The following ENPP6 variants were observed in gnomAD, a reference collection of about 807,000 sequenced individuals.
ENPP6 encodes the protein ectonucleotide pyrophosphatase/phosphodiesterase 6.
A neutral mutation model predicts 42.0 loss-of-function variants in ENPP6; 32 were observed. The ratio of observed to expected loss-of-function variants is 0.76; its 90% CI spans 0.58 to 1.02. The LOEUF (loss-of-function observed/expected upper bound fraction) is 1.02, where lower values mean the gene tolerates loss of function less well. Among genes scored for constraint, ENPP6 ranks in the 50% least tolerant of loss-of-function variants. The pLI is 0.00. For synonymous variants in ENPP6, 213 were observed against 216.0 expected, an observed-to-expected ratio of 0.99 and a Z score of 0.12; for missense variants, 552 against 566.8, an observed-to-expected ratio of 0.97 and a Z score of 0.27.
At chr4:184,128,735 C>G (rs907298791) in intron 2 of ENPP6, among the ~76,000 whole-genome samples, 1 of 152,072 alleles carries the variant, frequency 6.6e-6, no homozygotes, top group Non-Finnish European at 1.5e-5. Flanking sequence ...TATCAATAGG[C>G]TGGATTCAAT....
At chr4:184,201,430 G>T (rs1254545514) in intron 1 of ENPP6, among the ~76,000 whole-genome samples, 3 of 152,180 alleles carry the variant, frequency 2.0e-5, no homozygotes, top group Non-Finnish European at 4.4e-5. Context: ...GGTGTTGTGA[G>T]ATCGCCATGG....
At chr4:184,129,761 C>T (rs907949929) in intron 2 of ENPP6, among the ~76,000 whole-genome samples, 7 of 152,172 alleles carry the variant, frequency 4.6e-5, no homozygotes, top group African/African-American at 1.4e-4. Context: ...AATAATTATG[C>T]CATTTTATTT....
At chr4:184,217,538 C>A (rs766657237) in intron 1 of ENPP6, 41 bp downstream of exon 1, 1 of 1,608,014 alleles carries the variant, frequency 6.2e-7, no homozygotes, top group African/African-American at 1.3e-5. Flanking sequence ...TGCTGGATGC[C>A]AGCCCTCCCC....
intron 1 of ENPP6, among the ~76,000 whole-genome samples, chr4:184,208,912 A>C (rs1317415545): frequency 6.9e-6 from 1 of 144,008 alleles, no homozygotes; most frequent in African/African-American, 2.6e-5. Context: ...CTGCCTCCTC[A>C]AGTGGGTCCC....
At chr4:184,094,648 AT>A (rs1296207737) in intron 7 of ENPP6, among the ~76,000 whole-genome samples, 1 of 152,212 alleles carries the variant, frequency 6.6e-6, no homozygotes, top group Admixed American at 6.5e-5. Flanking sequence ...GCGTGTTTAC[AT>A]TTTTTTGGAT....
chr4:184,109,244 A>C (rs7435507), intron 6 of ENPP6, among the ~76,000 whole-genome samples: 53,787 of 119,026 alleles, frequency 0.45, 10,205 homozygotes, highest in Non-Finnish European at 0.49. Flanking sequence ...AAAAAAAAAC[A>C]AAACAAACAA....
At chr4:184,172,616 C>T (rs1042551991) in intron 1 of ENPP6, among the ~76,000 whole-genome samples, 3 of 152,096 alleles carry the variant, frequency 2.0e-5, no homozygotes, top group Non-Finnish European at 4.4e-5. Context: ...GCGCAGTGAA[C>T]GGTGGCTGGG....
chr4:184,217,403 G>T (rs1049455705), intron 1 of ENPP6, among the ~76,000 whole-genome samples, 176 bp downstream of exon 1: 1 of 152,042 alleles, frequency 6.6e-6, no homozygotes, highest in Admixed American at 6.5e-5. Context: ...AAACAATACC[G>T]CCACGAAAAC....
intron 2 of ENPP6, among the ~76,000 whole-genome samples, chr4:184,144,087 C>T (rs1736877281): frequency 6.6e-6 from 1 of 152,234 alleles, no homozygotes; most frequent in Admixed American, 6.5e-5. Context: ...CACCTTTCTG[C>T]TCTAGGAGGG....
At chr4:184,120,137 T>G (rs1736392939) in intron 3 of ENPP6, among the ~76,000 whole-genome samples, 1 of 152,124 alleles carries the variant, frequency 6.6e-6, no homozygotes, top group Non-Finnish European at 1.5e-5. Flanking sequence ...TAGATCGCTT[T>G]TCCTGAGTAT....
chr4:184,148,198 G>A (rs369012749), intron 2 of ENPP6, among the ~76,000 whole-genome samples: 6 of 152,142 alleles, frequency 3.9e-5, no homozygotes, highest in South Asian at 2.1e-4. Context: ...GTCTGTATCT[G>A]CTTTTGCTCA....
chr4:184,201,239 A>C (rs927975408), intron 1 of ENPP6, among the ~76,000 whole-genome samples: 1 of 152,132 alleles, frequency 6.6e-6, no homozygotes, highest in Non-Finnish European at 1.5e-5. Flanking sequence ...TCTGAGATGA[A>C]TGTTAACCTG....
intron 2 of ENPP6, among the ~76,000 whole-genome samples, chr4:184,141,579 G>T (rs186961139): frequency 6.6e-6 from 1 of 152,286 alleles, no homozygotes; most frequent in Non-Finnish European, 1.5e-5. Context: ...AGGGAACATC[G>T]CAGGGAAATG....
At chr4:184,134,796 G>A (rs1464882084) in intron 2 of ENPP6, among the ~76,000 whole-genome samples, 3 of 150,656 alleles carry the variant, frequency 2.0e-5, no homozygotes, top group Non-Finnish European at 3.0e-5. Context: ...TTGAATTAGA[G>A]ACAAATAATT....
At chr4:184,131,300 C>CTTCCTTCT (rs1736627497) in intron 2 of ENPP6, among the ~76,000 whole-genome samples, 3 of 143,172 alleles carry the variant, frequency 2.1e-5, no homozygotes, top group East Asian at 4.1e-4. Context: ...TCCTTCCTTC[C>CTTCCTTCT]TTCCTTCCTT....
In ENPP6 at chr4:184,217,440, A is replaced by AT. The variant is rs370403362; in HGVS notation, c.241+138dup. ...AAAGTCTTCTCAGCCAAGAACACAG[A>AT]TTTTTTTTATCTACCTTTGATGTCC... On this transcript the variant is annotated intron_variant, in intron 1 of 7. Coordinates refer to ENST00000296741, the MANE Select transcript of ENPP6 (RefSeq NM_153343.4). 702 of 1,256,762 alleles carry AT rather than the reference A, an allele frequency of 5.6e-4. 2 individuals are homozygous for AT. The highest frequency in any genetic ancestry group is 2.8e-4 in the Non-Finnish European group (254 of 918,082). 77.9% of individuals were successfully genotyped at this position (1,256,762 alleles called of 1,614,324 possible). A position where few individuals can be genotyped will look rare whatever the true frequency, so the allele number is the denominator to read the frequency against.
chr4:184,212,996 C>T (rs1389837178), intron 1 of ENPP6, among the ~76,000 whole-genome samples: 7 of 151,744 alleles, frequency 4.6e-5, no homozygotes, highest in Non-Finnish European at 8.8e-5. Context: ...GGAAAGGATT[C>T]CCTATTTAAT....
chr4:184,150,055 G>A (rs1330028190), intron 2 of ENPP6, among the ~76,000 whole-genome samples: 1 of 152,144 alleles, frequency 6.6e-6, no homozygotes, highest in Non-Finnish European at 1.5e-5. Flanking sequence ...CTTACTCCTT[G>A]CAGTACACTA....
intron 1 of ENPP6, among the ~76,000 whole-genome samples, chr4:184,196,932 C>G (rs890556889): frequency 3.3e-5 from 5 of 152,114 alleles, no homozygotes; most frequent in African/African-American, 7.2e-5. Flanking sequence ...CTTTCAAGAC[C>G]CCCCCACAGC....
Sources: gnomAD v4.1 joint callset for allele counts (sites outside exome capture counted in the v4.1 genomes callset) on GRCh38, gnomAD v4.1.1 for gene constraint, MANE v1.5 for transcripts, NCBI Gene and HGNC (gene_info 2026-07-23, HGNC 2026-07-21) for gene names.